CHRDL1: variants seen among roughly 807,000 people sequenced by gnomAD.
CHRDL1 encodes the protein chordin-like protein 1.
In CHRDL1, 19 loss-of-function variants were observed where a neutral mutation model predicts 40.9. That is an observed-to-expected ratio of 0.46 (90% CI 0.32 to 0.68). The LOEUF is 0.68. Ranked by LOEUF, CHRDL1 falls within the 30% of genes least tolerant of loss-of-function variation. The pLI is 0.03. For missense variants in CHRDL1, 329 were observed against 352.1 expected (o/e 0.93, Z 0.53); for synonymous variants, 136 against 123.4 (o/e 1.10, Z -0.68).
intron 4 of CHRDL1, among the ~76,000 whole-genome samples, chrX:110,737,358 T>G (rs940057741): frequency 3.6e-5 from 4 of 111,875 alleles, no homozygotes; most frequent in Non-Finnish European, 7.5e-5. Context: ...GAACAATTCC[T>G]TCTGCAGAAC....
At chrX:110,724,150 C>T (rs930784131) in intron 4 of CHRDL1, among the ~76,000 whole-genome samples, 2 of 112,373 alleles carry the variant, frequency 1.8e-5, no homozygotes, top group Non-Finnish European at 3.8e-5. Context: ...ATATTTGTCA[C>T]GGCTCTTATG....
intron 4 of CHRDL1, among the ~76,000 whole-genome samples, chrX:110,743,476 TA>T (rs1454552773): frequency 8.9e-6 from 1 of 112,059 alleles, no homozygotes; most frequent in Non-Finnish European, 1.9e-5. Flanking sequence ...ATGAATAATC[TA>T]GATAATCCCA....
chrX:110,712,079 C>T (rs2070755917), intron 6 of CHRDL1, among the ~76,000 whole-genome samples: 1 of 111,666 alleles, frequency 9.0e-6, no homozygotes, highest in African/African-American at 3.3e-5. Context: ...ATTAAATAAA[C>T]CAGTCAGCAT....
chrX:110,765,843 T>C (rs1053023145), intron 2 of CHRDL1, among the ~76,000 whole-genome samples: 7 of 111,702 alleles, frequency 6.3e-5, no homozygotes, highest in African/African-American at 2.3e-4. Context: ...TTGGAACAAA[T>C]GGACTTACAA....
chrX:110,769,065 T>G (rs1300559158), intron 2 of CHRDL1, among the ~76,000 whole-genome samples: 1 of 111,860 alleles, frequency 8.9e-6, no homozygotes, highest in Non-Finnish European at 1.9e-5. Context: ...ACATGATATA[T>G]TTCTCCATCA....
chrX:110,701,755 A>G (rs1343517568), intron 6 of CHRDL1, among the ~76,000 whole-genome samples: 1 of 111,483 alleles, frequency 9.0e-6, no homozygotes, highest in Non-Finnish European at 1.9e-5. Context: ...TGGAGGTTGC[A>G]GTGAGCCGAG....
chrX:110,689,426 ATATATC>A (rs1448424859), intron 8 of CHRDL1, among the ~76,000 whole-genome samples: 29 of 67,688 alleles, frequency 4.3e-4, no homozygotes, highest in African/African-American at 3.7e-3. Context: ...ATATATATCT[ATATATC>A]TATATATCTA....
rs181746448 is a variant in CHRDL1, at chrX:110,745,289, G to C, written c.301+14372C>G. On this transcript the variant is annotated intron_variant, in intron 4 of 11. Coordinates refer to ENST00000372042, the MANE Select transcript of CHRDL1 (RefSeq NM_001143981.2). ...GAGGATATGAGGGACTGCAAGAGAG[G>C]AAAGGGGATGCAAAAAGACATCCAA... Among the ~76,000 whole-genome samples, 159 of 111,654 alleles carry C rather than the reference G, an allele frequency of 1.4e-3. 1 individual carries two copies. The highest frequency in any genetic ancestry group is 2.4e-3 in the Non-Finnish European group (126 of 53,117).
chrX:110,696,741 C>T (rs756183103), intron 7 of CHRDL1, among the ~76,000 whole-genome samples: 4 of 111,069 alleles, frequency 3.6e-5, no homozygotes, highest in Non-Finnish European at 7.5e-5. Context: ...TACCTGGGTC[C>T]CGCTCTGAGG....
chrX:110,676,785 C>A (rs1256798587), intron 11 of CHRDL1, among the ~76,000 whole-genome samples: 1 of 111,241 alleles, frequency 9.0e-6, no homozygotes, highest in Non-Finnish European at 1.9e-5. Flanking sequence ...GCTTTGCTTA[C>A]CCTTAGGGTC....
chrX:110,767,807 AAGCAATC>A (rs1475829789), intron 2 of CHRDL1, among the ~76,000 whole-genome samples: 1 of 110,851 alleles, frequency 9.0e-6, no homozygotes, highest in Non-Finnish European at 1.9e-5. Flanking sequence ...ATACTGACAA[AAGCAATC>A]AGCAAATTCA....
rs2090048367 is a variant in CHRDL1, at chrX:110,788,378, C to A, written c.94+3710G>T. ...CAGATTTCTGAATCAATTGAGTGAG[C>A]ATCTTTGACCATAATGGCATCCCCC... On this transcript the variant is annotated intron_variant, in intron 2 of 11. Coordinates refer to ENST00000372042, the MANE Select transcript of CHRDL1 (RefSeq NM_001143981.2). Among the ~76,000 whole-genome samples, 3 of 111,750 alleles carry A rather than the reference C, an allele frequency of 2.7e-5. No homozygotes were observed. The Admixed American group carries it at 2.9e-4, about 11-fold the overall frequency.
At chrX:110,741,615 A>G (rs1370746840) in intron 4 of CHRDL1, among the ~76,000 whole-genome samples, 1 of 111,129 alleles carries the variant, frequency 9.0e-6, no homozygotes, top group South Asian at 3.9e-4. Context: ...GGGGGTGTAT[A>G]TGGTGTGGCC....
intron 4 of CHRDL1, among the ~76,000 whole-genome samples, chrX:110,734,415 C>CA (rs1247247882): frequency 8.9e-6 from 1 of 111,910 alleles, no homozygotes; most frequent in Admixed American, 9.5e-5. Context: ...TCTTTCCTGT[C>CA]AAAATTTCTT....
rs1165240774 is a variant in CHRDL1, at chrX:110,674,836, T to G, written c.*1395A>C. ...AATCTAGAAGGCATGCCTGAGATCCTTGCTGTGAAGAATTAGGTCTTCCCA... is the reference window on the plus strand; with the variant it reads ...AATCTAGAAGGCATGCCTGAGATCCGTGCTGTGAAGAATTAGGTCTTCCCA... On this transcript the variant is annotated 3_prime_UTR_variant, in exon 12 of 12. Coordinates refer to ENST00000372042, the MANE Select transcript of CHRDL1 (RefSeq NM_001143981.2). 1 of 112,271 alleles carries G rather than the reference T, an allele frequency of 8.9e-6. No individual in the cohort carries two copies. Among genetic ancestry groups the G allele is most frequent in the Non-Finnish European group, 1.9e-5 (1 of 53,268 alleles). The allele number at this position is 112,271 out of a possible 1,213,427, so 9.3% of individuals were successfully genotyped here.
chrX:110,705,308 C>T (rs1296396806), intron 6 of CHRDL1, among the ~76,000 whole-genome samples: 3 of 84,586 alleles, frequency 3.5e-5, no homozygotes, highest in African/African-American at 1.6e-4. Context: ...TATATATACA[C>T]ACACACATAT....
intron 4 of CHRDL1, among the ~76,000 whole-genome samples, chrX:110,743,950 AGAG>A (rs1375767660): frequency 9.0e-6 from 1 of 111,514 alleles, no homozygotes. Flanking sequence ...CCTCTGACTC[AGAG>A]GAGGAATCTC....
intron 4 of CHRDL1, among the ~76,000 whole-genome samples, chrX:110,756,445 C>T (rs2089453857): frequency 9.0e-6 from 1 of 110,970 alleles, no homozygotes; most frequent in Non-Finnish European, 1.9e-5. Flanking sequence ...ACATAGCTCT[C>T]CCCACTCAGT....
chrX:110,700,063 C>T (rs2070480768), intron 7 of CHRDL1, among the ~76,000 whole-genome samples: 1 of 111,848 alleles, frequency 8.9e-6, no homozygotes, highest in Non-Finnish European at 1.9e-5. Flanking sequence ...TTATAAATTC[C>T]TTCAAAATAC....
Sources: allele counts gnomAD v4.1 joint callset (sites outside exome capture counted in the v4.1 genomes callset), GRCh38; gene constraint gnomAD v4.1.1; transcripts MANE v1.5; gene names NCBI Gene and HGNC (gene_info 2026-07-23, HGNC 2026-07-21).